The following SLC9A9 variants were observed in gnomAD, a reference collection of about 807,000 sequenced individuals.
SLC9A9 encodes sodium/hydrogen exchanger 9.
Under a neutral mutation model 77.8 loss-of-function variants are expected in SLC9A9, and 62 were observed. The ratio of observed to expected loss-of-function variants is 0.80; its 90% CI spans 0.65 to 0.98. The LOEUF (loss-of-function observed/expected upper bound fraction) is 0.98. Among genes scored for constraint, SLC9A9 ranks in the 50% least tolerant of loss-of-function variants. The pLI, the probability that SLC9A9 is intolerant of heterozygous loss-of-function variation, is 0.00. For missense variants in SLC9A9, 775 were observed against 774.9 expected, an observed-to-expected ratio of 1.00 and a Z score of 0.00; for synonymous variants, 320 against 283.5, an observed-to-expected ratio of 1.13 and a Z score of -1.29.
chr3:143,458,716 C>T (rs920186813), intron 12 of SLC9A9, among the ~76,000 whole-genome samples: 1 of 152,080 alleles, frequency 6.6e-6, no homozygotes, highest in African/African-American at 2.4e-5. Context: ...ACAGGTCCCT[C>T]TACTCACTTT....
rs575901653 is a variant in SLC9A9 at position 143,641,602 on chromosome 3, C to A, written c.755+10653G>T. On this transcript the variant is annotated intron_variant, in intron 6 of 15. Transcript: ENST00000316549. Reference sequence around the variant, plus strand: ...TAGAGACAGGGTTTCACCATGTTAGCCAGGATGGTCTCGATCTCCTGACCT... The same window carrying A: ...TAGAGACAGGGTTTCACCATGTTAGACAGGATGGTCTCGATCTCCTGACCT... 7.2e-5 allele frequency among the ~76,000 whole-genome samples: 11 copies of A among 152,070 alleles called. No individual in the cohort carries two copies. In the East Asian group the frequency reaches 2.1e-3, roughly 29 times the overall value.
At chr3:143,708,873 A>C (rs1374701716) in intron 4 of SLC9A9, among the ~76,000 whole-genome samples, 1 of 152,200 alleles carries the variant, frequency 6.6e-6, no homozygotes, top group Non-Finnish European at 1.5e-5. Flanking sequence ...TGTGCAAATA[A>C]CTGACTACTA....
rs79784750 is a variant in SLC9A9, at chr3:143,835,455, T to G, written c.176-3234A>C. Among the ~76,000 whole-genome samples, 185 of 152,376 alleles carry G rather than the reference T, an allele frequency of 1.2e-3. 2 individuals carry two copies. The East Asian group carries it at 0.034, about 28-fold the overall frequency. On this transcript the variant is annotated intron_variant, in intron 1 of 15. Transcript: ENST00000316549. The stretch of plus-strand genomic sequence containing the variant: ...TGCAGCAGCGGCAGCTGGAAAATCC[T>G]TATTTGTCAGAGGCTACTTACCCAT...
chr3:143,407,513 C>T (rs1357594074), intron 12 of SLC9A9, among the ~76,000 whole-genome samples: 1 of 152,008 alleles, frequency 6.6e-6, no homozygotes, highest in Non-Finnish European at 1.5e-5. Flanking sequence ...TTGTAATATC[C>T]CACGTTTTTA....
chr3:143,847,753 T>A (rs2009859619), intron 1 of SLC9A9: 1 of 214,046 alleles, frequency 4.7e-6, no homozygotes, highest in East Asian at 1.1e-4. Flanking sequence ...CATTTTGAAG[T>A]GATGTTTTTT....
intron 1 of SLC9A9, chr3:143,847,716 A>G (rs1458520657): frequency 1.2e-5 from 2 of 169,830 alleles, no homozygotes; most frequent in East Asian, 1.6e-4. Flanking sequence ...TCTTGAAATT[A>G]GTTGATATAA....
chr3:143,578,001 A>G (rs1041248655), intron 7 of SLC9A9, among the ~76,000 whole-genome samples: 1 of 152,094 alleles, frequency 6.6e-6, no homozygotes, highest in African/African-American at 2.4e-5. Context: ...TATCATCCCA[A>G]CTTCCTAACA....
intron 4 of SLC9A9, among the ~76,000 whole-genome samples, chr3:143,781,252 T>A (rs2007872596): frequency 6.6e-6 from 1 of 152,210 alleles, no homozygotes; most frequent in Admixed American, 6.5e-5. Flanking sequence ...AAGAGTCTAT[T>A]CTAGTAATAA....
At chr3:143,678,096 G>A (rs906295797) in intron 5 of SLC9A9, among the ~76,000 whole-genome samples, 2 of 152,162 alleles carry the variant, frequency 1.3e-5, no homozygotes, top group Non-Finnish European at 1.5e-5. Context: ...AAAGTGCTGG[G>A]ATTACAGGCA....
intron 6 of SLC9A9, among the ~76,000 whole-genome samples, chr3:143,606,266 A>T (rs1391297967): frequency 1.3e-5 from 2 of 151,678 alleles, no homozygotes; most frequent in Admixed American, 6.6e-5. Context: ...TTAGCCAGGC[A>T]TGGTGGCAGG....
chr3:143,762,237 T>G lies in SLC9A9; in HGVS notation c.533+32764A>C, dbSNP rs1164366843. On this transcript the variant is annotated intron_variant, in intron 4 of 15. Coordinates refer to ENST00000316549, the MANE Select transcript of SLC9A9 (RefSeq NM_173653.4). ...GGATAGCATTAGGAGATATACCTAATGTAAATGACGAGTTAATGGGTGCAG... is the reference window on the plus strand; with the variant it reads ...GGATAGCATTAGGAGATATACCTAAGGTAAATGACGAGTTAATGGGTGCAG... 6.6e-5 allele frequency among the ~76,000 whole-genome samples: 10 copies of G among 152,162 alleles called. 1 individual carries two copies. Among genetic ancestry groups the G allele is most frequent in the Admixed American group, 5.9e-4 (9 of 15,276 alleles).
chr3:143,368,898 A>G (rs1171342370), intron 13 of SLC9A9, among the ~76,000 whole-genome samples: 1 of 152,238 alleles, frequency 6.6e-6, no homozygotes, highest in Non-Finnish European at 1.5e-5. Flanking sequence ...TCAAATTTAC[A>G]TTTTAAAAGG....
chr3:143,743,251 A>ATAGAT (rs1326457373), intron 4 of SLC9A9, among the ~76,000 whole-genome samples: 1 of 126,076 alleles, frequency 7.9e-6, no homozygotes. Flanking sequence ...GGATAGATAG[A>ATAGAT]TAGATAGATA....
intron 2 of SLC9A9, among the ~76,000 whole-genome samples, chr3:143,807,130 C>G (rs574835565): frequency 2.0e-5 from 3 of 152,282 alleles, no homozygotes; most frequent in Admixed American, 2.0e-4. Context: ...ATAACACGCA[C>G]AGAGATCTGA....
chr3:143,581,775 G>C (rs1265512111), intron 6 of SLC9A9, among the ~76,000 whole-genome samples: 1 of 152,174 alleles, frequency 6.6e-6, no homozygotes, highest in African/African-American at 2.4e-5. Context: ...GCCCGGGATG[G>C]AACATGGGCA....
intron 12 of SLC9A9, 117 bp downstream of exon 12, chr3:143,466,920 G>T (rs2035288706): frequency 1.5e-6 from 2 of 1,294,554 alleles, no homozygotes; most frequent in African/African-American, 1.5e-5. Context: ...CAACTTGACT[G>T]CTGGGAAAGT....
At chr3:143,398,489 G>T (rs1205556248) in intron 12 of SLC9A9, among the ~76,000 whole-genome samples, 2 of 152,134 alleles carry the variant, frequency 1.3e-5, no homozygotes, top group Admixed American at 6.6e-5. Flanking sequence ...TCTACACTAG[G>T]TAATATTCAT....
chr3:143,280,542 ATTT>A (rs58879877), intron 14 of SLC9A9, among the ~76,000 whole-genome samples: 1,853 of 118,000 alleles, frequency 0.016, 11 homozygotes, highest in South Asian at 0.042. Context: ...CTAGAACTAC[ATTT>A]TTTTTTTTTT....
At chr3:143,579,554 A>G (rs754054828) in intron 6 of SLC9A9, among the ~76,000 whole-genome samples, 8 of 152,222 alleles carry the variant, frequency 5.3e-5, no homozygotes, top group Non-Finnish European at 1.0e-4. Flanking sequence ...ATTAAAATGA[A>G]CATATGTGCT....
Sources: gnomAD v4.1 joint callset for allele counts (sites outside exome capture counted in the v4.1 genomes callset) on GRCh38, gnomAD v4.1.1 for gene constraint, MANE v1.5 for transcripts, NCBI Gene and HGNC (gene_info 2026-07-23, HGNC 2026-07-21) for gene names.